The following VPS13A variants were observed in gnomAD, a reference collection of about 807,000 sequenced individuals.
VPS13A encodes the protein vacuolar protein sorting 13 homolog A.
VPS13A carries 264 observed loss-of-function variants against 390.9 expected under a neutral mutation model. That is an observed-to-expected ratio of 0.68 (90% CI 0.61 to 0.75). The LOEUF (loss-of-function observed/expected upper bound fraction) is 0.75. VPS13A is among the 30% of genes least tolerant of loss of function. The pLI is 0.00. For missense variants in VPS13A, 3,409 were observed against 3,733.9 expected (o/e 0.91, Z 2.27); for synonymous variants, 1,231 against 1,227.1 (o/e 1.00, Z -0.07).
chr9:77,403,447 A>C, intron 69 of VPS13A, 126 bp downstream of exon 69: 1 of 803,814 alleles, frequency 1.2e-6, no homozygotes, highest in East Asian at 2.6e-5. Context: ...TTCTTGCTCC[A>C]CAAGCCTAAC....
At chr9:77,383,183 T>C (rs543051149) in intron 68 of VPS13A, among the ~76,000 whole-genome samples, 1 of 152,168 alleles carries the variant, frequency 6.6e-6, no homozygotes, top group South Asian at 2.1e-4. Context: ...TTGCATAAAA[T>C]ATACTTCTAA....
At chr9:77,222,600 G>A (rs914436121) in intron 13 of VPS13A, among the ~76,000 whole-genome samples, 9 of 151,980 alleles carry the variant, frequency 5.9e-5, no homozygotes, top group Admixed American at 1.3e-4. Flanking sequence ...CAAATCTGTC[G>A]GCACCATTTT....
At chr9:77,199,892 T>C in intron 1 of VPS13A, 53 bp from the exon 2 acceptor site, 4 of 1,508,458 alleles carry the variant, frequency 2.7e-6, no homozygotes, top group Non-Finnish European at 3.6e-6. Flanking sequence ...CATATTAACT[T>C]TTTAAAATGA....
At position 77,295,682 on chromosome 9, in the gene VPS13A, A is replaced by C. The variant is rs1333986273; in HGVS notation, c.3648A>C (p.Pro1216=). 4.3e-6 allele frequency: 7 copies of C among 1,613,960 alleles called. No homozygotes were observed. Among genetic ancestry groups the C allele is most frequent in the Non-Finnish European group, 5.9e-6 (7 of 1,179,962 alleles). ...RMALDINIKA[P]VVVIPQSPVS... ...CACTGGATATTAACATCAAAGCCCC[A>C]GTTGTGGTCATCCCGCAGTCTCCAG... Residue 1216 remains proline, a synonymous_variant, in exon 33 of 72, where the codon CCA becomes CCC. Transcript: ENST00000360280.
In VPS13A at chr9:77,282,234, T is replaced by G. The variant is rs141835897; in HGVS notation, c.3078T>G (p.Thr1026=). ...QSEEKSAPVS[T]TETEDKGDVI... ...AGGAAAAATCAGCCCCAGTGTCCAC[T>G]ACAGAGACTGAAGACAAAGGAGATG... is the stretch of plus-strand genomic sequence containing the variant. Residue 1026 remains threonine (T), a synonymous_variant, in exon 29 of 72, where the codon ACT becomes ACG. Coordinates refer to ENST00000360280, the MANE Select transcript of VPS13A (RefSeq NM_033305.3). 505 of 1,613,498 alleles carry G rather than the reference T, an allele frequency of 3.1e-4. 1 individual carries two copies. The African/African-American group carries it at 5.6e-3, about 18-fold the overall frequency.
chr9:77,319,279 GATA>G (rs1829601030), intron 41 of VPS13A, among the ~76,000 whole-genome samples: 1 of 151,264 alleles, frequency 6.6e-6, no homozygotes, highest in East Asian at 1.9e-4. Context: ...TGAATATGTG[GATA>G]ATAATCTCTT....
At chr9:77,205,943 G>A (rs374538247) in intron 4 of VPS13A, 35 bp from the exon 5 acceptor site, 4 of 1,399,242 alleles carry the variant, frequency 2.9e-6, no homozygotes, top group Non-Finnish European at 3.9e-6. Context: ...TAAATTTAAG[G>A]TAGTTATGAT....
At chr9:77,262,367 C>G (rs956118626) in intron 23 of VPS13A, among the ~76,000 whole-genome samples, 1 of 151,946 alleles carries the variant, frequency 6.6e-6, no homozygotes, top group South Asian at 2.1e-4. Context: ...GTTCTTTACT[C>G]ATGTTTAAAT....
Position 77,351,360 on chromosome 9 carries a change from G to A in VPS13A, c.7333G>A (p.Val2445Met), listed in dbSNP as rs768897138. 5.0e-6 allele frequency: 8 copies of A among 1,613,728 alleles called. No individual in the cohort carries two copies. Among genetic ancestry groups the A allele is most frequent in the South Asian group, 2.2e-5 (2 of 91,090 alleles). The change falls in exon 53 of 72, where the codon GTG becomes ATG. Residue 2445 changes from valine (V) to methionine (M), a missense_variant. Physicochemically the swap from Val to Met is conservative, Grantham distance 21 (BLOSUM62 1). Around this residue, in one of 5 missense-constraint regions of VPS13A, gnomAD observed 2,717 missense variants for 2,917.4 expected, o/e 0.93. Transcript: ENST00000360280. ...IEDSLPPGKA[V>M]FYTWADPVGS... ...AGATTCCCTCCCTCCTGGTAAAGCC[G>A]TGTTTTATACATGGGCTGATCCGGT...
intron 23 of VPS13A, among the ~76,000 whole-genome samples, chr9:77,268,627 T>G (rs1826168465): frequency 6.6e-6 from 1 of 152,058 alleles, no homozygotes. Flanking sequence ...TAGAGAAGTT[T>G]TATCCCCAGT....
Position 77,353,537 on chromosome 9 carries a change from A to G in VPS13A, c.7548A>G (p.Lys2516=). ...TTAAAGTAACATATGAAAGTGAGAA[A>G]GCAGAGTTAGCAGAGCAAGAAATTG... is the stretch of plus-strand genomic sequence containing the variant. The part of the protein sequence containing the change: ...RVFKVTYESE[K]AELAEQEIAV... The change falls in exon 54 of 72, where the codon AAA becomes AAG. Residue 2516 remains lysine (K), a synonymous_variant. Coordinates refer to ENST00000360280, the MANE Select transcript of VPS13A (RefSeq NM_033305.3). 3 of 1,613,596 alleles carry G rather than the reference A, an allele frequency of 1.9e-6. No individual in the cohort carries two copies. The African/African-American group carries it at 4.0e-5, about 22-fold the overall frequency.
rs956279113 is a variant in VPS13A, at chr9:77,402,601, A to G, written c.9190-635A>G. On this transcript the variant is annotated intron_variant, in intron 68 of 71. Transcript: ENST00000360280. ...AATGGAATTTAAAATGGTAAATCTT[A>G]TTTTGTTCATATGGTTATATTTACA... Among the ~76,000 whole-genome samples the G allele has an allele frequency of 3.3e-5, 5 of 151,796 alleles. No homozygotes were observed. The South Asian group carries it at 6.2e-4, about 19-fold the overall frequency.
intron 67 of VPS13A, 93 bp downstream of exon 67, chr9:77,371,242 G>T: frequency 6.4e-7 from 1 of 1,563,026 alleles, no homozygotes; most frequent in Admixed American, 1.7e-5. Context: ...TTTAGTTATT[G>T]TCTTTGTTTT....
intron 45 of VPS13A, among the ~76,000 whole-genome samples, chr9:77,329,091 C>T (rs1416148405): frequency 3.3e-5 from 5 of 152,142 alleles, no homozygotes; most frequent in Non-Finnish European, 5.9e-5. Context: ...TCCCCATGAT[C>T]CAGTTACCTC....
At chr9:77,212,242 C>T (rs548256099) in intron 7 of VPS13A, among the ~76,000 whole-genome samples, 1 of 151,986 alleles carries the variant, frequency 6.6e-6, no homozygotes, top group Non-Finnish European at 1.5e-5. Context: ...TAAACCGACC[C>T]CAGGCAATAT....
intron 68 of VPS13A, 41 bp downstream of exon 68, chr9:77,382,128 C>G: frequency 2.6e-6 from 4 of 1,519,488 alleles, no homozygotes; most frequent in Non-Finnish European, 3.6e-6. Flanking sequence ...TTAATTTAGT[C>G]AAGTTAGATT....
chr9:77,294,040 A>T (rs180979453), intron 32 of VPS13A, among the ~76,000 whole-genome samples: 1 of 151,998 alleles, frequency 6.6e-6, no homozygotes, highest in African/African-American at 2.4e-5. Context: ...AGTAGCTGAG[A>T]CTACAGGCAC....
intron 23 of VPS13A, among the ~76,000 whole-genome samples, chr9:77,270,923 T>G (rs145320934): frequency 2.6e-5 from 4 of 152,224 alleles, no homozygotes; most frequent in Non-Finnish European, 5.9e-5. Flanking sequence ...ACAAAAAATG[T>G]AGGTTAAAAT....
rs1039374927 is a variant in VPS13A, at chr9:77,177,552, G to C, written c.-153G>C. ...AGCGACCGCCTCCGTCTCTCGCTGG[G>C]CTCGCTAGGGCTGCGCGTTGGGCCA... On this transcript the variant is annotated 5_prime_UTR_variant, in exon 1 of 72. Coordinates refer to ENST00000360280, the MANE Select transcript of VPS13A (RefSeq NM_033305.3). The C allele has an allele frequency of 7.3e-6, 5 of 688,588 alleles. No individual in the cohort carries two copies. The highest frequency in any genetic ancestry group is 1.6e-5 in the South Asian group (1 of 63,132). 42.7% of individuals were successfully genotyped at this position (688,588 alleles called of 1,614,324 possible).
Sources: allele counts gnomAD v4.1 joint callset (sites outside exome capture counted in the v4.1 genomes callset), GRCh38; gene constraint gnomAD v4.1.1; regional missense constraint gnomAD v4.1.1; transcripts MANE v1.5; gene names NCBI Gene and HGNC (gene_info 2026-07-23, HGNC 2026-07-21).